RNF213: variants seen among roughly 807,000 people sequenced by gnomAD.
RNF213 encodes the protein E3 ubiquitin-protein ligase RNF213.
A neutral mutation model predicts 514.4 loss-of-function variants in RNF213; 341 were observed. The observed-to-expected ratio is 0.66, with a 90% CI of 0.61 to 0.73. The LOEUF (loss-of-function observed/expected upper bound fraction) is 0.73. Among genes scored for constraint, RNF213 ranks in the 30% least tolerant of loss-of-function variants. The probability of loss-of-function intolerance (pLI) is 0.00; values close to 1 mark genes in which losing one functional copy is unlikely to be tolerated. For synonymous variants in RNF213, 2,655 were observed against 2,658.2 expected, an observed-to-expected ratio of 1.00 and a Z score of 0.04; for missense variants, 5,767 against 6,615.6, an observed-to-expected ratio of 0.87 and a Z score of 4.45.
In RNF213 at chr17:80,354,571, A is replaced by G; in HGVS notation, c.10857A>G (p.Thr3619=). ...AGGACGCTCTCCAGGAGGCGGGCAC[A>G]TTCAGGTACTGTGACTAAAGGAAGC... The part of the protein sequence containing the change: ...CNQDALQEAG[T]FRHTLWKRVQ... Residue 3619 remains threonine, a synonymous_variant, in exon 36 of 68, where the codon ACA becomes ACG. Coordinates refer to ENST00000582970, the MANE Select transcript of RNF213 (RefSeq NM_001256071.3). The G allele has an allele frequency of 6.2e-7, 1 of 1,614,206 alleles. No individual in the cohort carries two copies. Among genetic ancestry groups the G allele is most frequent in the Non-Finnish European group, 8.5e-7 (1 of 1,180,046 alleles).
rs369925295 is a variant in RNF213, at chr17:80,389,361, G to C, written c.15189G>C (p.Val5063=). Residue 5063 remains valine (V), a synonymous_variant, in exon 65 of 68, where the codon GTG becomes GTC. Coordinates refer to ENST00000582970, the MANE Select transcript of RNF213 (RefSeq NM_001256071.3). ...ILQMGDQTIH[V]LKALNRCQLK... ...AAATGGGTGATCAGACGATTCACGT[G>C]TTAAAGGTGGGTCTCACACCGAAAA... 2 of 1,614,058 alleles carry C rather than the reference G, an allele frequency of 1.2e-6. No homozygotes were observed. Among genetic ancestry groups the C allele is most frequent in the Non-Finnish European group, 1.7e-6 (2 of 1,179,928 alleles).
intron 63 of RNF213, among the ~76,000 whole-genome samples, 165 bp downstream of exon 63, chr17:80,387,056 C>T (rs1176520486): frequency 6.6e-6 from 1 of 152,250 alleles, no homozygotes; most frequent in African/African-American, 2.4e-5. Flanking sequence ...ACCTGTATCT[C>T]CGGGCCGCAG....
Position 80,379,634 on chromosome 17 carries a change from G to A in RNF213, c.13560G>A (p.Met4520Ile), listed in dbSNP as rs1460571462. The A allele has an allele frequency of 1.9e-6, 3 of 1,614,206 alleles. No individual in the cohort carries two copies. The South Asian group carries it at 3.3e-5, about 18-fold the overall frequency. ...CTTCACCCTAGTGTGGCAGGCCGAT[G>A]GAACAGAGCATCTGCATTGACTGCC... ...PCSVGECGRP[M>I]EQSICIDCHA... The change falls in exon 55 of 68, where the codon ATG becomes ATA. Residue 4520 changes from methionine to isoleucine, a missense_variant. Coordinates refer to ENST00000582970, the MANE Select transcript of RNF213 (RefSeq NM_001256071.3).
chr17:80,335,415 G>A (rs1266797990), intron 22 of RNF213, among the ~76,000 whole-genome samples: 3 of 152,146 alleles, frequency 2.0e-5, no homozygotes, highest in Non-Finnish European at 4.4e-5. Flanking sequence ...CTCAGGCTCT[G>A]GCTCTCTTGG....
chr17:80,288,513 A>G lies in RNF213; in HGVS notation c.811-120A>G. 2 of 1,601,008 alleles carry G rather than the reference A, an allele frequency of 1.2e-6. No individual in the cohort carries two copies. Among genetic ancestry groups the G allele is most frequent in the Non-Finnish European group, 1.7e-6 (2 of 1,170,788 alleles). On this transcript the variant is annotated intron_variant, in intron 4 of 67. Coordinates refer to ENST00000582970, the MANE Select transcript of RNF213 (RefSeq NM_001256071.3). This position sits in a 1 kb window ranked among gnomAD's most constrained non-coding sequence, Gnocchi z 4.9. ...GTGGGAGTCGGAGGGCTGCCCCTCCACTGGGGATGCCAGCCCACCCTGTCC... is the reference window on the plus strand; with the variant it reads ...GTGGGAGTCGGAGGGCTGCCCCTCCGCTGGGGATGCCAGCCCACCCTGTCC...
intron 41 of RNF213, 93 bp from the exon 42 acceptor site, chr17:80,364,340 C>A: frequency 1.3e-6 from 2 of 1,577,414 alleles, no homozygotes; most frequent in Non-Finnish European, 8.7e-7. Context: ...GACCCCGGGT[C>A]CCGCATCTCT....
intron 29 of RNF213, 83 bp from the exon 30 acceptor site, chr17:80,349,687 T>G: frequency 6.8e-7 from 1 of 1,467,550 alleles, no homozygotes; most frequent in Admixed American, 1.7e-5. Context: ...ATCGCAGGTT[T>G]CTAGGATCTG....
chr17:80,322,586 AT>A (rs916123633), intron 17 of RNF213, among the ~76,000 whole-genome samples: 5 of 150,512 alleles, frequency 3.3e-5, no homozygotes, highest in Non-Finnish European at 7.4e-5. Context: ...AAAAAAAAAA[AT>A]TTTTTTTCGT....
chr17:80,346,471 G>C lies in RNF213; in HGVS notation c.8136G>C (p.Pro2712=), dbSNP rs373887772. 3.7e-6 allele frequency: 6 copies of C among 1,613,746 alleles called. No homozygotes were observed. In the African/African-American group the frequency reaches 8.0e-5, roughly 22 times the overall value. Residue 2712 remains proline (P), a synonymous_variant, in exon 29 of 68, where the codon CCG becomes CCC. Transcript: ENST00000582970. This position sits in a 1 kb window ranked among gnomAD's most constrained non-coding sequence, Gnocchi z 8.1. ...GGAAAGCCATCGCCAGGTTCTTTCC[G>C]AAACCGTATGACGACAGCAGGCTGC... The part of the protein sequence containing the change: ...SYRKAIARFF[P]KPYDDSRLLL...
At chr17:80,337,770 G>T (rs2078030223) in intron 24 of RNF213, 44 bp downstream of exon 24, 2 of 1,536,938 alleles carry the variant, frequency 1.3e-6, no homozygotes. Flanking sequence ...CCCTTCTGCA[G>T]GCTGCTGCCA....
At chr17:80,375,542 G>GAAAAGA (rs1568155018) in intron 50 of RNF213, among the ~76,000 whole-genome samples, 1 of 146,464 alleles carries the variant, frequency 6.8e-6, no homozygotes, top group African/African-American at 2.5e-5. Context: ...TCTACTAAAA[G>GAAAAGA]AAAAAAAAAA....
Position 80,339,221 on chromosome 17 carries a change from G to C in RNF213, c.4854G>C (p.Arg1618Ser). Residue 1618 changes from arginine (R) to serine (S), a missense_variant, in exon 26 of 68, where the codon AGG becomes AGC. Around this residue, in one of 13 missense-constraint regions of RNF213, gnomAD observed 1,377 missense variants for 1,635.2 expected, o/e 0.84. Coordinates refer to ENST00000582970, the MANE Select transcript of RNF213 (RefSeq NM_001256071.3). The part of the protein sequence containing the change: ...RFSEVFCSVQ[R>S]LSQAFIDLHS... Reference sequence around the variant, plus strand: ...TCCAGGTCTTCTGCAGTGTGCAGAGGCTCAGCCAGGCCTTCATCGACCTGC... The same window carrying C: ...TCCAGGTCTTCTGCAGTGTGCAGAGCCTCAGCCAGGCCTTCATCGACCTGC... 6.7e-7 allele frequency: 1 copy of C among 1,495,250 alleles called. No homozygotes were observed. Among genetic ancestry groups the C allele is most frequent in the Non-Finnish European group, 8.9e-7 (1 of 1,123,560 alleles). The allele number at this position is 1,495,250 out of a possible 1,614,324, so 92.6% of individuals were successfully genotyped here. A position where few individuals can be genotyped will look rare whatever the true frequency, so the allele number is the denominator to read the frequency against.
intron 2 of RNF213, among the ~76,000 whole-genome samples, chr17:80,267,590 C>T (rs1343283730): frequency 6.6e-6 from 1 of 152,190 alleles, no homozygotes; most frequent in Non-Finnish European, 1.5e-5. Flanking sequence ...CACAGTAAAG[C>T]CCTAACTCTC....
At chr17:80,330,180 T>C (rs955951381) in intron 20 of RNF213, among the ~76,000 whole-genome samples, 2 of 152,258 alleles carry the variant, frequency 1.3e-5, no homozygotes, top group African/African-American at 4.8e-5. Context: ...CTTGTTCACG[T>C]TGCAGCATCT....
intron 42 of RNF213, among the ~76,000 whole-genome samples, chr17:80,365,732 C>G (rs2079240572): frequency 6.6e-6 from 1 of 152,174 alleles, no homozygotes; most frequent in African/African-American, 2.4e-5. Context: ...GCCGGTGCCC[C>G]CCTTCCACCC....
chr17:80,318,722 C>T (rs1030818894), intron 16 of RNF213, among the ~76,000 whole-genome samples: 9 of 152,152 alleles, frequency 5.9e-5, no homozygotes, highest in African/African-American at 9.6e-5. Context: ...TACAGGCGCC[C>T]GCCACCGCGC....
intron 59 of RNF213, 93 bp downstream of exon 59, chr17:80,384,021 C>T (rs2080130680): frequency 6.8e-7 from 1 of 1,461,482 alleles, no homozygotes; most frequent in South Asian, 1.1e-5. Flanking sequence ...TATAATCATT[C>T]TTAACAGACT....
At position 80,345,778 on chromosome 17, in the gene RNF213, C is replaced by T. The variant is rs759335062; in HGVS notation, c.7443C>T (p.Asp2481=). ...AFANKDQHQL[D]TILFFDEANT... Reference sequence around the variant, plus strand: ...CCAATAAGGACCAACATCAGTTGGACACCATCTTGTTTTTTGATGAAGCCA... The same window carrying T: ...CCAATAAGGACCAACATCAGTTGGATACCATCTTGTTTTTTGATGAAGCCA... Residue 2481 remains aspartate, a synonymous_variant, in exon 29 of 68, where the codon GAC becomes GAT. Transcript: ENST00000582970. The surrounding 1 kb of genome is among the most constrained non-coding windows in gnomAD (Gnocchi z 6.0). 4.3e-6 allele frequency: 7 copies of T among 1,614,044 alleles called. No homozygotes were observed. In the African/African-American group the frequency reaches 8.0e-5, roughly 18 times the overall value.
chr17:80,291,469 C>T (rs142737038), intron 7 of RNF213, among the ~76,000 whole-genome samples, 159 bp from the exon 8 acceptor site: 42 of 152,174 alleles, frequency 2.8e-4, no homozygotes, highest in African/African-American at 8.7e-4. Context: ...GAAGTCCTCC[C>T]GCCTCAGCCT....
Sources: gnomAD v4.1 joint callset for allele counts (sites outside exome capture counted in the v4.1 genomes callset) on GRCh38, gnomAD v4.1.1 for gene constraint, gnomAD v4.1.1 regional missense constraint, Gnocchi (gnomAD v3.1) non-coding constraint, MANE v1.5 for transcripts, NCBI Gene and HGNC (gene_info 2026-07-23, HGNC 2026-07-21) for gene names.